The following ASTN2 variants were observed in gnomAD, a reference collection of about 807,000 sequenced individuals.
ASTN2 encodes the protein astrotactin 2, also known as astrotactin-2.
Under a neutral mutation model 139.8 loss-of-function variants are expected in ASTN2, and 54 were observed. The observed-to-expected ratio is 0.39, with a 90% CI of 0.31 to 0.48. The LOEUF (loss-of-function observed/expected upper bound fraction) is 0.48. ASTN2 is among the 20% of genes least tolerant of loss of function. The pLI is 0.95. For missense variants in ASTN2, 1,565 were observed against 1,725.1 expected (o/e 0.91, Z 1.64); for synonymous variants, 756 against 719.5 (o/e 1.05, Z -0.81).
rs372116948 is a variant in ASTN2 at position 116,696,039 on chromosome 9, C to T, written c.2806+29732G>A. On this transcript the variant is annotated intron_variant, in intron 16 of 22. Coordinates refer to ENST00000313400, the MANE Select transcript of ASTN2 (RefSeq NM_001365068.1). ...AATCTTTCCATTTCCACCACCTGCTCCCTAGTTCAGACTCCCCATTATCCC... is the reference window on the plus strand; with the variant it reads ...AATCTTTCCATTTCCACCACCTGCTTCCTAGTTCAGACTCCCCATTATCCC... Among the ~76,000 whole-genome samples the T allele has an allele frequency of 4.2e-4, 64 of 152,276 alleles. 2 individuals are homozygous for T. The highest frequency in any genetic ancestry group is 1.4e-3 in the African/African-American group (59 of 41,548).
intron 19 of ASTN2, among the ~76,000 whole-genome samples, chr9:116,597,299 ATTT>A (rs757848093): frequency 0.045 from 3,383 of 75,594 alleles, 162 homozygotes; most frequent in African/African-American, 0.16. Flanking sequence ...CTTTTGATCT[ATTT>A]TTTTTTTTTT....
At chr9:117,087,479 T>G (rs910584768) in intron 5 of ASTN2, among the ~76,000 whole-genome samples, 4 of 152,270 alleles carry the variant, frequency 2.6e-5, no homozygotes, top group Non-Finnish European at 4.4e-5. Flanking sequence ...CCACCCACCC[T>G]GGCCTCCCAA....
Position 116,423,455 on chromosome 9 carries a change from T to C in ASTN2, c.*2396A>G, listed in dbSNP as rs1847235889. Reference sequence around the variant, plus strand: ...ATCACCACACCAGCACATTGAGTGCTGTAATTTTCTGCAACTGTTGAGCTA... The same window carrying C: ...ATCACCACACCAGCACATTGAGTGCCGTAATTTTCTGCAACTGTTGAGCTA... On this transcript the variant is annotated 3_prime_UTR_variant, in exon 23 of 23. Transcript: ENST00000313400. Among the ~76,000 whole-genome samples, 1 of 152,156 alleles carries C rather than the reference T, an allele frequency of 6.6e-6. No homozygotes were observed. Among genetic ancestry groups the C allele is most frequent in the Non-Finnish European group, 1.5e-5 (1 of 68,024 alleles).
At chr9:116,795,980 C>G (rs1830677825) in intron 13 of ASTN2, among the ~76,000 whole-genome samples, 1 of 152,196 alleles carries the variant, frequency 6.6e-6, no homozygotes, top group Middle Eastern at 3.2e-3. Context: ...TTTTTAACAG[C>G]AGCACACCAG....
At chr9:116,447,619 C>T (rs1455259684) in intron 20 of ASTN2, among the ~76,000 whole-genome samples, 1 of 152,186 alleles carries the variant, frequency 6.6e-6, no homozygotes, top group Non-Finnish European at 1.5e-5. Context: ...GCTTCTCGTA[C>T]ATTGGCTGTG....
intron 15 of ASTN2, among the ~76,000 whole-genome samples, chr9:116,728,176 G>C (rs10817929): frequency 0.17 from 26,371 of 151,870 alleles, 2,343 homozygotes; most frequent in Admixed American, 0.18. Context: ...CACCAACAAC[G>C]TGCTAATCTT....
rs201244056 is a variant in ASTN2 at position 117,332,580 on chromosome 9, AAAC to A, written c.443-41070_443-41068del. Among the ~76,000 whole-genome samples the A allele has an allele frequency of 4.6e-5, 7 of 152,294 alleles. No homozygotes were observed. The East Asian group carries it at 7.7e-4, about 17-fold the overall frequency. ...CTCCATCTCAAACAAACAAACAAAC[AAAC>A]AACAACAACAAAAAGGACACAGGAT... On this transcript the variant is annotated intron_variant, in intron 1 of 22. Coordinates refer to ENST00000313400, the MANE Select transcript of ASTN2 (RefSeq NM_001365068.1).
intron 2 of ASTN2, among the ~76,000 whole-genome samples, chr9:117,233,830 T>A (rs969601498): frequency 6.6e-6 from 1 of 152,334 alleles, no homozygotes; most frequent in Admixed American, 6.5e-5. Flanking sequence ...GCTCATTGAG[T>A]GTAACAGTGG....
At chr9:116,894,903 A>G (rs769984874) in intron 10 of ASTN2, among the ~76,000 whole-genome samples, 1 of 152,234 alleles carries the variant, frequency 6.6e-6, no homozygotes, top group Non-Finnish European at 1.5e-5. Context: ...AATAGATACT[A>G]TGATGTAGAA....
At chr9:116,773,660 C>A (rs1830009520) in intron 13 of ASTN2, among the ~76,000 whole-genome samples, 1 of 151,548 alleles carries the variant, frequency 6.6e-6, no homozygotes, top group Non-Finnish European at 1.5e-5. Flanking sequence ...CATATTATCT[C>A]ATTTCATGTT....
chr9:116,427,046 T>A (rs1340449291), intron 22 of ASTN2, among the ~76,000 whole-genome samples: 7 of 152,104 alleles, frequency 4.6e-5, no homozygotes. Flanking sequence ...AGAGGGGAGC[T>A]GGGAGAGATC....
At chr9:117,184,783 C>A (rs1831155466) in intron 3 of ASTN2, among the ~76,000 whole-genome samples, 1 of 152,134 alleles carries the variant, frequency 6.6e-6, no homozygotes, top group African/African-American at 2.4e-5. Flanking sequence ...CTGAAGAATG[C>A]AGGTTTAGAC....
intron 1 of ASTN2, among the ~76,000 whole-genome samples, chr9:117,309,101 ATGTG>A (rs1244049985): frequency 1.3e-5 from 2 of 152,244 alleles, no homozygotes; most frequent in Non-Finnish European, 2.9e-5. Context: ...TCATTTATGT[ATGTG>A]TGTATGTACA....
At position 117,414,555 on chromosome 9, in the gene ASTN2, C is replaced by G. The variant is rs772618999; in HGVS notation, c.384G>C (p.Pro128=). 6.2e-7 allele frequency: 1 copy of G among 1,603,474 alleles called. No homozygotes were observed. The highest frequency in any genetic ancestry group is 2.3e-5 in the East Asian group (1 of 43,436). ...GGTCGTCCTGCACCGCGATGCGCCC[C>G]GGCAGCTCGTTACGCACAAAGAGCA... ...RLLLFVRNEL[P]GRIAVQDDLD... is the part of the protein sequence containing the mutation. The change falls in exon 1 of 23, where the codon CCG becomes CCC. Residue 128 remains proline, a synonymous_variant. Transcript: ENST00000313400. The surrounding 1 kb of genome is among the most constrained non-coding windows in gnomAD (Gnocchi z 4.2).
chr9:117,218,311 G>A (rs1832399677), intron 2 of ASTN2, among the ~76,000 whole-genome samples: 1 of 152,178 alleles, frequency 6.6e-6, no homozygotes, highest in African/African-American at 2.4e-5. Context: ...TCCCTTTAGG[G>A]CACAGGTTCA....
At chr9:117,246,139 A>G (rs1833375825) in intron 2 of ASTN2, among the ~76,000 whole-genome samples, 1 of 149,696 alleles carries the variant, frequency 6.7e-6, no homozygotes, top group Admixed American at 6.6e-5. Context: ...CTGGAATTGA[A>G]AACAAACAAA....
At chr9:116,964,239 G>GTGTT (rs1251287168) in intron 10 of ASTN2, among the ~76,000 whole-genome samples, 3 of 135,086 alleles carry the variant, frequency 2.2e-5, no homozygotes, top group Non-Finnish European at 4.8e-5. Flanking sequence ...GTGTGTGTGT[G>GTGTT]TGTGTGTGTG....
intron 1 of ASTN2, among the ~76,000 whole-genome samples, chr9:117,299,302 G>C (rs1834817195): frequency 6.6e-6 from 1 of 152,152 alleles, no homozygotes; most frequent in South Asian, 2.1e-4. Context: ...GATTCATTTA[G>C]TCAACCAACC....
At chr9:116,507,200 AAC>A (rs1329317033) in intron 19 of ASTN2, among the ~76,000 whole-genome samples, 1 of 152,222 alleles carries the variant, frequency 6.6e-6, no homozygotes, top group African/African-American at 2.4e-5. Context: ...AATAGTGAGC[AAC>A]AGTTTTGAGA....
Sources: gnomAD v4.1 joint callset for allele counts (sites outside exome capture counted in the v4.1 genomes callset) on GRCh38, gnomAD v4.1.1 for gene constraint, Gnocchi (gnomAD v3.1) non-coding constraint, MANE v1.5 for transcripts, NCBI Gene and HGNC (gene_info 2026-07-23, HGNC 2026-07-21) for gene names.